WWOX: variants seen among roughly 807,000 people sequenced by gnomAD.
The protein encoded by WWOX is WW domain-containing oxidoreductase.
In WWOX, 69 loss-of-function variants were observed where a neutral mutation model predicts 46.2. The ratio of observed to expected loss-of-function variants is 1.49; its 90% CI spans 1.23 to 1.82. The LOEUF (loss-of-function observed/expected upper bound fraction) is 1.82. Among genes scored for constraint, WWOX ranks in the 40% most tolerant of loss-of-function variants. The pLI, the probability that WWOX is intolerant of heterozygous loss-of-function variation, is 0.00. For synonymous variants in WWOX, 359 were observed against 202.6 expected, an observed-to-expected ratio of 1.77 and a Z score of -6.56; for missense variants, 919 against 542.6, an observed-to-expected ratio of 1.69 and a Z score of -6.89.
chr16:78,675,308 C>T (rs1391800488), intron 8 of WWOX, among the ~76,000 whole-genome samples: 10 of 151,994 alleles, frequency 6.6e-5, no homozygotes, highest in East Asian at 1.9e-4. Flanking sequence ...AGACAAGAAC[C>T]GTACACTGTA....
chr16:79,109,499 A>T (rs1016355005), intron 8 of WWOX, among the ~76,000 whole-genome samples: 4 of 152,138 alleles, frequency 2.6e-5, no homozygotes, highest in Non-Finnish European at 4.4e-5. Context: ...TATGTTGTTA[A>T]TCCTCCGGGC....
In WWOX at chr16:78,778,769, C is replaced by T. The variant is rs935144397; in HGVS notation, c.1056+346017C>T. ...AAACTCAAACCAAAGAGCACACCGC[C>T]GTCCCCAACCCTGAGCCATTTCTGT... On this transcript the variant is annotated intron_variant, in intron 8 of 8. Transcript: ENST00000566780. Among the ~76,000 whole-genome samples, 3 of 152,150 alleles carry T rather than the reference C, an allele frequency of 2.0e-5. No homozygotes were observed. The South Asian group carries it at 6.2e-4, about 32-fold the overall frequency.
At chr16:79,127,573 A>C (rs1339129451) in intron 8 of WWOX, among the ~76,000 whole-genome samples, 1 of 152,178 alleles carries the variant, frequency 6.6e-6, no homozygotes, top group Non-Finnish European at 1.5e-5. Context: ...GCAACGTGTA[A>C]CCTTGCACCG....
At chr16:78,495,096 TG>T (rs564428421) in intron 8 of WWOX, among the ~76,000 whole-genome samples, 7 of 150,440 alleles carry the variant, frequency 4.7e-5, no homozygotes, top group Non-Finnish European at 1.0e-4. Flanking sequence ...GCTGCATCTG[TG>T]TGCTTATAAG....
intron 8 of WWOX, among the ~76,000 whole-genome samples, chr16:79,194,548 G>T (rs953084731): frequency 6.6e-6 from 1 of 151,760 alleles, no homozygotes; most frequent in Non-Finnish European, 1.5e-5. Context: ...TGAGATCTCG[G>T]CTCCGACGTT....
At chr16:78,632,749 G>A (rs2046464651) in intron 8 of WWOX, among the ~76,000 whole-genome samples, 1 of 151,476 alleles carries the variant, frequency 6.6e-6, no homozygotes, top group Admixed American at 6.6e-5. Context: ...GTAGAGTTGG[G>A]ATTTCTCCAT....
chr16:78,720,637 G>C (rs1567514338), intron 8 of WWOX, among the ~76,000 whole-genome samples: 1 of 151,904 alleles, frequency 6.6e-6, no homozygotes, highest in Non-Finnish European at 1.5e-5. Context: ...TCACATTCTT[G>C]ACCCTTGAAT....
chr16:78,350,059 T>A (rs537858015), intron 5 of WWOX, among the ~76,000 whole-genome samples: 1 of 121,384 alleles, frequency 8.2e-6, no homozygotes, highest in East Asian at 1.9e-4. Flanking sequence ...AACTTAATGA[T>A]AAATGGCAAA....
chr16:78,683,676 A>G (rs1412903646), intron 8 of WWOX, among the ~76,000 whole-genome samples: 1 of 152,168 alleles, frequency 6.6e-6, no homozygotes, highest in African/African-American at 2.4e-5. Context: ...TGCTGGGATT[A>G]CAGGCACGAG....
At chr16:78,649,865 A>G (rs770175208) in intron 8 of WWOX, among the ~76,000 whole-genome samples, 5 of 152,234 alleles carry the variant, frequency 3.3e-5, no homozygotes, top group Non-Finnish European at 5.9e-5. Flanking sequence ...CTTGTCTTCC[A>G]CATATGGTAT....
At chr16:78,100,079 C>CG in intron 1 of WWOX, 194 bp downstream of exon 1, 11 of 1,385,284 alleles carry the variant, frequency 7.9e-6, no homozygotes, top group South Asian at 1.7e-5. Flanking sequence ...TCGGGTCCAG[C>CG]GGGGGTCACC....
Position 78,424,948 on chromosome 16 carries a change from C to G in WWOX, c.684C>G (p.Thr228=), listed in dbSNP as rs924675533. The G allele has an allele frequency of 8.7e-6, 14 of 1,614,022 alleles. No homozygotes were observed. The highest frequency in any genetic ancestry group is 1.2e-5 in the Non-Finnish European group (14 of 1,180,046). The change falls in exon 7 of 9, where the codon ACC becomes ACG. Residue 228 remains threonine (T), a synonymous_variant. Coordinates refer to ENST00000566780, the MANE Select transcript of WWOX (RefSeq NM_016373.4). ...WSLTKDGLET[T]FQVNHLGHFY... ...TCACCAAAGATGGCCTGGAGACCACCTTTCAAGTGAATCATCTGGGGCACT... is the reference window on the plus strand; with the variant it reads ...TCACCAAAGATGGCCTGGAGACCACGTTTCAAGTGAATCATCTGGGGCACT...
At chr16:78,372,239 G>A (rs2047066994) in intron 5 of WWOX, among the ~76,000 whole-genome samples, 1 of 152,200 alleles carries the variant, frequency 6.6e-6, no homozygotes, top group Non-Finnish European at 1.5e-5. Flanking sequence ...TTCTTCCAAA[G>A]GCAGAGTCTC....
At chr16:78,978,009 A>G (rs1161969859) in intron 8 of WWOX, among the ~76,000 whole-genome samples, 2 of 152,202 alleles carry the variant, frequency 1.3e-5, no homozygotes, top group East Asian at 1.9e-4. Context: ...TCTCCCCACA[A>G]TAAAAGTCTG....
At position 78,328,684 on chromosome 16, in the gene WWOX, G is replaced by T. The variant is rs143236003; in HGVS notation, c.517-58176G>T. 5.9e-5 allele frequency among the ~76,000 whole-genome samples: 9 copies of T among 152,264 alleles called. No individual in the cohort carries two copies. In the East Asian group the frequency reaches 1.7e-3, roughly 29 times the overall value. ...GAACAGAAATACTCTTGATAATGCT[G>T]ATGTGACTGGACTTTTGACAAGCAG... On this transcript the variant is annotated intron_variant, in intron 5 of 8. Coordinates refer to ENST00000566780, the MANE Select transcript of WWOX (RefSeq NM_016373.4).
intron 4 of WWOX, among the ~76,000 whole-genome samples, chr16:78,157,036 G>T (rs1707017418): frequency 6.6e-6 from 1 of 152,092 alleles, no homozygotes; most frequent in Non-Finnish European, 1.5e-5. Flanking sequence ...GAATGACTAA[G>T]AATTGTTTAC....
intron 8 of WWOX, among the ~76,000 whole-genome samples, chr16:79,088,741 G>C (rs1354644975): frequency 6.6e-6 from 1 of 152,102 alleles, no homozygotes; most frequent in Non-Finnish European, 1.5e-5. Flanking sequence ...AATTACCACA[G>C]TTGCTACTTA....
At chr16:78,761,598 G>T (rs1282744125) in intron 8 of WWOX, among the ~76,000 whole-genome samples, 1 of 152,080 alleles carries the variant, frequency 6.6e-6, no homozygotes, top group Non-Finnish European at 1.5e-5. Context: ...CTGGTCTAGA[G>T]GAGATTGGTT....
At chr16:78,607,844 G>A (rs2045799462) in intron 8 of WWOX, among the ~76,000 whole-genome samples, 1 of 151,968 alleles carries the variant, frequency 6.6e-6, no homozygotes, top group Non-Finnish European at 1.5e-5. Flanking sequence ...TTTTCTATCG[G>A]GTACAATAGG....
Sources: allele counts gnomAD v4.1 joint callset (sites outside exome capture counted in the v4.1 genomes callset), GRCh38; gene constraint gnomAD v4.1.1; transcripts MANE v1.5; gene names NCBI Gene and HGNC (gene_info 2026-07-23, HGNC 2026-07-21).